Variants in MICAL2 observed in about 807,000 individuals in gnomAD.
MICAL2 encodes [F-actin]-monooxygenase MICAL2.
Under a neutral mutation model 127.3 loss-of-function variants are expected in MICAL2, and 77 were observed. The observed-to-expected ratio is 0.60, with a 90% CI of 0.50 to 0.73. The LOEUF is 0.73. Ranked by LOEUF, MICAL2 falls within the 30% of genes least tolerant of loss-of-function variation. The probability of loss-of-function intolerance (pLI) is 0.00; values close to 1 mark genes in which losing one functional copy is unlikely to be tolerated. For synonymous variants in MICAL2, 570 were observed against 551.1 expected (o/e 1.03, Z -0.48); for missense variants, 1,351 against 1,434.4 (o/e 0.94, Z 0.94).
At chr11:12,358,310 A>G in exon 35 of MICAL2, 1 of 1,613,976 alleles carries the variant, frequency 6.2e-7, no homozygotes, top group South Asian at 1.1e-5. Flanking sequence ...CAGAAAGATG[A>G]GAAGGATCTA....
At chr11:12,324,074 A>C in intron 31 of MICAL2, 6 of 1,607,628 alleles carry the variant, frequency 3.7e-6, no homozygotes, top group Non-Finnish European at 5.1e-6. Context: ...GGCTCAGGTC[A>C]GTAAATAAAC....
At chr11:12,296,557 A>G (rs1181250769), downstream of MICAL2, among the ~76,000 whole-genome samples, 1 of 148,978 alleles carries the variant, frequency 6.7e-6, no homozygotes, top group Non-Finnish European at 1.5e-5. Flanking sequence ...ATATTATGTC[A>G]CACATCACAA....
At chr11:12,238,684 T>A (rs192537914) in intron 16 of MICAL2, among the ~76,000 whole-genome samples, 5 of 152,302 alleles carry the variant, frequency 3.3e-5, no homozygotes, top group Admixed American at 6.5e-5. Context: ...GTGGAAAAAC[T>A]GATGCAATCC....
At chr11:12,147,761 G>A (rs1853098891) in intron 2 of MICAL2, among the ~76,000 whole-genome samples, 1 of 152,218 alleles carries the variant, frequency 6.6e-6, no homozygotes, top group South Asian at 2.1e-4. Context: ...TAGGTTCTCA[G>A]TAAATTGAAT....
At chr11:12,111,245 C>G (rs1849583836) in intron 1 of MICAL2, among the ~76,000 whole-genome samples, 1 of 152,208 alleles carries the variant, frequency 6.6e-6, no homozygotes. Context: ...GCCTGGCTGG[C>G]CGCGGGCTGG....
chr11:12,336,990 T>A, intron 32 of MICAL2, among the ~76,000 whole-genome samples: 1 of 152,180 alleles, frequency 6.6e-6, no homozygotes, highest in East Asian at 1.9e-4. Context: ...GAAGGATTCC[T>A]TCTTTTTCTA....
chr11:12,322,103 T>A (rs916485431), intron 30 of MICAL2, among the ~76,000 whole-genome samples: 14 of 152,116 alleles, frequency 9.2e-5, no homozygotes, highest in African/African-American at 2.9e-4. Flanking sequence ...ATAATGTAAG[T>A]GCAATTTGAG....
chr11:12,224,883 C>A, intron 13 of MICAL2, 63 bp downstream of exon 13: 1 of 1,532,580 alleles, frequency 6.5e-7, no homozygotes, highest in South Asian at 1.2e-5. Context: ...CTGCTGCATG[C>A]AGAATCTTCA....
intron 3 of MICAL2, among the ~76,000 whole-genome samples, chr11:12,201,837 G>A (rs993852425): frequency 3.3e-5 from 5 of 152,202 alleles, no homozygotes; most frequent in Non-Finnish European, 7.3e-5. Context: ...GACTTTCACT[G>A]GCCGGGCACA....
At position 12,263,637 on chromosome 11, in the gene MICAL2, A is replaced by G. The variant is rs1863412476; in HGVS notation, c.*95A>G. On this transcript the variant is annotated 3_prime_UTR_variant, in exon 28 of 28. Transcript: ENST00000683283. ...AGCCTCCTCTTTAGCTAGCCTCCCC[A>G]TCTCATCACAACGCATGTCTGTGAC... The G allele has an allele frequency of 3.9e-5, 6 of 152,512 alleles. No homozygotes were observed. The highest frequency in any genetic ancestry group is 3.9e-4 in the Admixed American group (6 of 15,272). 9.4% of individuals were successfully genotyped at this position (152,512 alleles called of 1,614,324 possible).
Position 12,255,871 on chromosome 11 carries a change from A to G in MICAL2, c.2955+121A>G, listed in dbSNP as rs560261116. The G allele has an allele frequency of 3.2e-4, 227 of 717,232 alleles. 1 individual carries two copies. The highest frequency in any genetic ancestry group is 1.2e-3 in the South Asian group (67 of 54,036). The allele number at this position is 717,232 out of a possible 1,614,324, so 44.4% of individuals were successfully genotyped here. On this transcript the variant is annotated intron_variant, in intron 23 of 27. Transcript: ENST00000683283. Reference sequence around the variant, plus strand: ...GAGGCTCCTCTTCTCTTGGAACAAGAGGGGGCTGAGAATGAGCTGAATCAG... The same window carrying G: ...GAGGCTCCTCTTCTCTTGGAACAAGGGGGGGCTGAGAATGAGCTGAATCAG...
At chr11:12,150,247 C>A (rs1853421576) in intron 2 of MICAL2, among the ~76,000 whole-genome samples, 1 of 152,080 alleles carries the variant, frequency 6.6e-6, no homozygotes, top group South Asian at 2.1e-4. Flanking sequence ...ATTCACAAAT[C>A]AGAGAAACAA....
At chr11:12,116,953 A>C (rs1033677781) in intron 1 of MICAL2, 2 of 152,088 alleles carry the variant, frequency 1.3e-5, no homozygotes, top group African/African-American at 4.8e-5. Context: ...TTTAGGGTTG[A>C]AATTTTTAGT....
intron 32 of MICAL2, among the ~76,000 whole-genome samples, chr11:12,335,173 T>C (rs1938726045): frequency 6.7e-6 from 1 of 149,628 alleles, no homozygotes; most frequent in Non-Finnish European, 1.5e-5. Context: ...TATCTCATTG[T>C]GGTTTTGATT....
Position 12,221,652 on chromosome 11 carries a change from G to T in MICAL2, c.1215G>T (p.Trp405Cys). 2 of 1,607,146 alleles carry T rather than the reference G, an allele frequency of 1.2e-6. No homozygotes were observed. The highest frequency in any genetic ancestry group is 1.7e-6 in the Non-Finnish European group (2 of 1,176,216). ...CACGTTTTCTTTTGCAGCCATTTTGGCCCATGGGTACAGGCTGTGCCCGTG... is the reference window on the plus strand; with the variant it reads ...CACGTTTTCTTTTGCAGCCATTTTGTCCCATGGGTACAGGCTGTGCCCGTG... The part of the protein sequence containing the change: ...LVGDSLLEPF[W>C]PMGTGCARGF... Residue 405 changes from tryptophan (W) to cysteine (C), a missense_variant, in exon 10 of 28, where the codon TGG (tryptophan) becomes TGT (cysteine). By Grantham distance (215) the Trp-to-Cys change is radical. Transcript: ENST00000683283.
At position 12,244,093 on chromosome 11, in the gene MICAL2, C is replaced by G; in HGVS notation, c.2765C>G (p.Ser922Cys). 1 of 1,614,222 alleles carries G rather than the reference C, an allele frequency of 6.2e-7. No individual in the cohort carries two copies. The highest frequency in any genetic ancestry group is 8.5e-7 in the Non-Finnish European group (1 of 1,180,042). The change falls in exon 21 of 28, where the codon TCT becomes TGT. Residue 922 changes from serine (S) to cysteine (C), a missense_variant. By Grantham distance (112) the Ser-to-Cys change is moderately radical. Around this residue, in one of 2 missense-constraint regions of MICAL2, gnomAD observed 752 missense variants for 719.4 expected, o/e 1.05. Coordinates refer to ENST00000683283, the MANE Select transcript of MICAL2 (RefSeq NM_001282663.2). ...TCTTCCTCTCCATCAACTGTTGACT[C>G]TGCTTCTCCTGCCAGAAAGGTAGTT... ...AASSSPSTVD[S>C]ASPARKEKKS...
intron 2 of MICAL2, among the ~76,000 whole-genome samples, chr11:12,157,577 G>A (rs1038774532): frequency 6.6e-6 from 1 of 152,120 alleles, no homozygotes. Context: ...AATGCAGAAA[G>A]CCTCATATTT....
At chr11:12,251,519 G>C (rs912909440) in intron 22 of MICAL2, among the ~76,000 whole-genome samples, 1 of 148,354 alleles carries the variant, frequency 6.7e-6, no homozygotes, top group Non-Finnish European at 1.5e-5. Flanking sequence ...TCATCAGGTT[G>C]GGAAGGGCAG....
intron 3 of MICAL2, among the ~76,000 whole-genome samples, chr11:12,174,760 C>T (rs1198387982): frequency 1.3e-5 from 2 of 152,110 alleles, no homozygotes; most frequent in Non-Finnish European, 2.9e-5. Flanking sequence ...CAAACTGTTT[C>T]CATTTACCCT....
Sources: allele counts gnomAD v4.1 joint callset (sites outside exome capture counted in the v4.1 genomes callset), GRCh38; gene constraint gnomAD v4.1.1; regional missense constraint gnomAD v4.1.1; transcripts MANE v1.5; gene names NCBI Gene and HGNC (gene_info 2026-07-23, HGNC 2026-07-21).